The following SELE variants were observed in gnomAD, a reference collection of about 807,000 sequenced individuals.
The protein encoded by SELE is selectin E.
SELE carries 52 observed loss-of-function variants against 75.8 expected under a neutral mutation model. That is an observed-to-expected ratio of 0.69 (90% CI 0.55 to 0.86). The LOEUF (loss-of-function observed/expected upper bound fraction) is 0.86. Ranked by LOEUF, SELE falls within the 40% of genes least tolerant of loss-of-function variation. SELE has a pLI of 0.00. For synonymous variants in SELE, 285 were observed against 258.7 expected, an observed-to-expected ratio of 1.10 and a Z score of -0.98; for missense variants, 754 against 732.7, an observed-to-expected ratio of 1.03 and a Z score of -0.34.
At chr1:169,724,728 G>A (rs1348465786) in intron 13 of SELE, among the ~76,000 whole-genome samples, 1 of 152,142 alleles carries the variant, frequency 6.6e-6, no homozygotes, top group African/African-American at 2.4e-5. Context: ...AATGTAGCCT[G>A]TGGACATTAA....
At chr1:169,727,613 A>C (rs3917425) in intron 9 of SELE, 88 bp from the exon 10 acceptor site, 4 of 1,548,474 alleles carry the variant, frequency 2.6e-6, no homozygotes, top group Non-Finnish European at 3.5e-6. Context: ...ATGAATGTAA[A>C]GTGTAAGCGC....
intron 4 of SELE, among the ~76,000 whole-genome samples, chr1:169,730,930 G>A (rs1198224561): frequency 1.3e-5 from 2 of 150,562 alleles, no homozygotes; most frequent in African/African-American, 4.8e-5. Flanking sequence ...GCAAACTTAG[G>A]TACCACAACA....
At position 169,732,814 on chromosome 1, in the gene SELE, G is replaced by T; in HGVS notation, c.222C>A (p.Ile74=). The T allele has an allele frequency of 6.2e-7, 1 of 1,614,100 alleles. No individual in the cohort carries two copies. Among genetic ancestry groups the T allele is most frequent in the Non-Finnish European group, 8.5e-7 (1 of 1,180,022 alleles). Residue 74 remains isoleucine (I), a synonymous_variant, in exon 3 of 14, where the codon ATC becomes ATA. Transcript: ENST00000333360. ...AGACCCACACATTGTTGACTTTTCT[G>T]ATTCCAATCCAGTAATAACTTGGTG... ...SYSPSYYWIG[I]RKVNNVWVWV...
chr1:169,729,662 C>T lies in SELE; in HGVS notation c.727G>A (p.Asp243Asn). The T allele has an allele frequency of 6.2e-7, 1 of 1,613,904 alleles. No individual in the cohort carries two copies. The highest frequency in any genetic ancestry group is 1.1e-5 in the South Asian group (1 of 91,024). The change falls in exon 6 of 14, where the codon GAT becomes AAT. Residue 243 changes from aspartate to asparagine, a missense_variant. Physicochemically the swap from Asp to Asn is conservative, Grantham distance 23 (BLOSUM62 1). Transcript: ENST00000333360. The stretch of plus-strand genomic sequence containing the variant: ...CCATTGGCTGGATTTGTCACAGCAT[C>T]ACACTCAACCACTGAGGATTTTAAA... Reference protein sequence around the residue: ...PIPACNVVECDAVTNPANGFV... With the variant: ...PIPACNVVECNAVTNPANGFV...
At chr1:169,732,531 T>C (rs1032499202) in intron 3 of SELE, 84 bp downstream of exon 3, 6 of 1,461,478 alleles carry the variant, frequency 4.1e-6, no homozygotes, top group African/African-American at 1.4e-5. Flanking sequence ...ATGACCACAA[T>C]AGAGAGCAGT....
chr1:169,723,741 TGA>T lies in SELE; in HGVS notation c.*782_*783del, dbSNP rs1648682714. 1 of 152,234 alleles carries T rather than the reference TGA, an allele frequency of 6.6e-6. No homozygotes were observed. The allele number at this position is 152,234 out of a possible 1,614,324, so 9.4% of individuals were successfully genotyped here. ...TGTAACATAATTTGTTAATAAACAA[TGA>T]GGGGGTAATCTAGAATAAGTAACTT... is the stretch of plus-strand genomic sequence containing the variant. On this transcript the variant is annotated 3_prime_UTR_variant, in exon 14 of 14. Transcript: ENST00000333360.
intron 13 of SELE, 131 bp downstream of exon 13, chr1:169,725,598 A>C: frequency 1.5e-6 from 1 of 674,722 alleles, no homozygotes; most frequent in Non-Finnish European, 2.6e-6. Flanking sequence ...AACTTTCCAG[A>C]ACAATACCCA....
In SELE at chr1:169,730,460, T is replaced by A. The variant is rs1281198979; in HGVS notation, c.687A>T (p.Glu229Asp). Residue 229 changes from glutamate to aspartate, a missense_variant, in exon 5 of 14, where the codon GAA becomes GAT. Glu to Asp is a conservative substitution (Grantham distance 45, BLOSUM62 2). Coordinates refer to ENST00000333360, the MANE Select transcript of SELE (RefSeq NM_000450.2). ...METMQCMSSG[E>D]WSAPIPACNV... ...TGCAGGCTGGAATAGGAGCACTCCA[T>A]TCTCCAGAGGACATACACTGCATGG... 1.2e-6 allele frequency: 2 copies of A among 1,613,026 alleles called. No homozygotes were observed. Among genetic ancestry groups the A allele is most frequent in the Non-Finnish European group, 1.7e-6 (2 of 1,179,300 alleles).
At position 169,731,839 on chromosome 1, in the gene SELE, C is replaced by T; in HGVS notation, c.525G>A (p.Glu175=). The T allele has an allele frequency of 2.5e-6, 4 of 1,609,314 alleles. No homozygotes were observed. Among genetic ancestry groups the T allele is most frequent in the Non-Finnish European group, 3.4e-6 (4 of 1,175,800 alleles). The change falls in exon 4 of 14, where the codon GAG becomes GAA. Residue 175 remains glutamate, a synonymous_variant. Coordinates refer to ENST00000333360, the MANE Select transcript of SELE (RefSeq NM_000450.2). Reference sequence around the variant, plus strand: ...AGAGGCAAGAACCAGACTTACTTTGCTCACACTTGAGTCCACTGAAGCCAG... The same window carrying T: ...AGAGGCAAGAACCAGACTTACTTTGTTCACACTTGAGTCCACTGAAGCCAG... ...CDPGFSGLKC[E]QIVNCTALES...
intron 3 of SELE, among the ~76,000 whole-genome samples, chr1:169,732,187 AG>A (rs1243478700): frequency 2.6e-5 from 4 of 152,088 alleles, no homozygotes; most frequent in Non-Finnish European, 5.9e-5. Flanking sequence ...CAAACTCTGA[AG>A]ACAGTTCCCC....
intron 3 of SELE, 24 bp downstream of exon 3, chr1:169,732,591 C>G: frequency 1.3e-6 from 2 of 1,534,740 alleles, no homozygotes; most frequent in Non-Finnish European, 1.7e-6. Context: ...AAACTACCTC[C>G]CACTGCTGCC....
At chr1:169,733,783 C>A in intron 1 of SELE, 123 bp from the exon 2 acceptor site, 1 of 615,544 alleles carries the variant, frequency 1.6e-6, no homozygotes, top group Non-Finnish European at 2.9e-6. Context: ...GTGCAATAAT[C>A]TTTATTTCAG....
chr1:169,729,662 C>G lies in SELE; in HGVS notation c.727G>C (p.Asp243His). 6.2e-7 allele frequency: 1 copy of G among 1,613,904 alleles called. No individual in the cohort carries two copies. The highest frequency in any genetic ancestry group is 8.5e-7 in the Non-Finnish European group (1 of 1,179,892). ...PIPACNVVECDAVTNPANGFV... is the reference protein window; with the variant it reads ...PIPACNVVECHAVTNPANGFV... ...CCATTGGCTGGATTTGTCACAGCAT[C>G]ACACTCAACCACTGAGGATTTTAAA... The change falls in exon 6 of 14, where the codon GAT (aspartate) becomes CAT (histidine). Residue 243 changes from aspartate to histidine, a missense_variant. Physicochemically the swap from Asp to His is moderately conservative, Grantham distance 81. Transcript: ENST00000333360.
rs988382086 is a variant in SELE, at chr1:169,732,044, C to A, written c.422-102G>T. The A allele has an allele frequency of 8.7e-6, 6 of 692,976 alleles. No individual in the cohort carries two copies. In the African/African-American group the frequency reaches 9.0e-5, roughly 10 times the overall value. The allele number at this position is 692,976 out of a possible 1,614,324, so 42.9% of individuals were successfully genotyped here. A position where few individuals can be genotyped will look rare whatever the true frequency, so the allele number is the denominator to read the frequency against. ...GTGTGCAACAGAGACATCAGCAGTC[C>A]TACAGAGTGCCATAGACTTTAACTG... On this transcript the variant is annotated intron_variant, in intron 3 of 13. Coordinates refer to ENST00000333360, the MANE Select transcript of SELE (RefSeq NM_000450.2).
rs3917397 is a variant in SELE at position 169,734,043 on chromosome 1, T to C, written c.-121A>G. On this transcript the variant is annotated 5_prime_UTR_variant, in exon 1 of 14. In the 5' UTR this introduces an upstream ATG that the reference lacks. Coordinates refer to ENST00000333360, the MANE Select transcript of SELE (RefSeq NM_000450.2). ...CACTGCTGCCTCTGTCTCAGGTCAG[T>C]ATAGGAGTTTTGATGTGAAGTCAGC... The C allele has an allele frequency of 0.019, 3,016 of 162,732 alleles. 95 individuals carry two copies. Among genetic ancestry groups the C allele is most frequent in the African/African-American group, 0.066 (2,771 of 41,734 alleles). 10.1% of individuals were successfully genotyped at this position (162,732 alleles called of 1,614,324 possible).
In SELE at chr1:169,723,664, A is replaced by T. The variant is rs944954068; in HGVS notation, c.*861T>A. On this transcript the variant is annotated 3_prime_UTR_variant, in exon 14 of 14. Transcript: ENST00000333360. Reference sequence around the variant, plus strand: ...TCAGAACTTTATTCTGGTTAACATCATGCCTTGCTAGGGGACAATAGTTTC... The same window carrying T: ...TCAGAACTTTATTCTGGTTAACATCTTGCCTTGCTAGGGGACAATAGTTTC... 18 of 152,338 alleles carry T rather than the reference A, an allele frequency of 1.2e-4. No individual in the cohort carries two copies. Among genetic ancestry groups the T allele is most frequent in the African/African-American group, 4.3e-4 (18 of 41,570 alleles). The allele number at this position is 152,338 out of a possible 1,614,324, so 9.4% of individuals were successfully genotyped here.
At position 169,731,942 on chromosome 1, in the gene SELE, G is replaced by A. The variant is rs1427472995; in HGVS notation, c.422C>T (p.Ala141Val). The change falls in exon 4 of 14, where the codon GCT (alanine) becomes GTT (valine). Residue 141 changes from alanine (A) to valine (V), a missense_variant and splice_region_variant. Ala to Val is a moderately conservative substitution (Grantham distance 64). Coordinates refer to ENST00000333360, the MANE Select transcript of SELE (RefSeq NM_000450.2). ...ACTGCAGGATGTATTGGTACAGGCA[G>A]CTACGGAAAATACAAAGCATGATGA... The part of the protein sequence containing the change: ...SKKKLALCYT[A>V]ACTNTSCSGH... 1.2e-6 allele frequency: 2 copies of A among 1,603,218 alleles called. No individual in the cohort carries two copies. Among genetic ancestry groups the A allele is most frequent in the East Asian group, 2.2e-5 (1 of 44,766 alleles).
chr1:169,727,715 A>T, intron 9 of SELE, 24 bp downstream of exon 9: 14 of 1,608,040 alleles, frequency 8.7e-6, no homozygotes, highest in Non-Finnish European at 1.2e-5. Flanking sequence ...CCTGTACCCT[A>T]AAAAAGTCTG....
rs922488931 is a variant in SELE at position 169,727,483 on chromosome 1, A to G, written c.1511T>C (p.Met504Thr). 5 of 1,614,050 alleles carry G rather than the reference A, an allele frequency of 3.1e-6. No homozygotes were observed. The highest frequency in any genetic ancestry group is 1.7e-5 in the Admixed American group (1 of 60,012). ...SSLAVPGKIN[M>T]SCSGEPVFGT... ...AAACACGGGCTCCCCACTGCAGCTC[A>G]TGTTGATCTTTCCCGGAACTGCCAG... Residue 504 changes from methionine (M) to threonine (T), a missense_variant, in exon 10 of 14, where the codon ATG becomes ACG. Physicochemically the swap from Met to Thr is moderately conservative, Grantham distance 81 (BLOSUM62 -1). Coordinates refer to ENST00000333360, the MANE Select transcript of SELE (RefSeq NM_000450.2).
Sources: gnomAD v4.1 joint callset for allele counts (sites outside exome capture counted in the v4.1 genomes callset) on GRCh38, gnomAD v4.1.1 for gene constraint, MANE v1.5 for transcripts, NCBI Gene and HGNC (gene_info 2026-07-23, HGNC 2026-07-21) for gene names.